ZNF142: variants seen among roughly 807,000 people sequenced by gnomAD.
The protein encoded by ZNF142 is zinc finger protein 142, also known as zinc finger protein 142 (clone pHZ-49).
ZNF142 carries 96 observed loss-of-function variants against 132.1 expected under a neutral mutation model. That is an observed-to-expected ratio of 0.73 (90% CI 0.62 to 0.86). The LOEUF (loss-of-function observed/expected upper bound fraction) is 0.86, where lower values mean the gene tolerates loss of function less well. ZNF142 is among the 40% of genes least tolerant of loss of function. The pLI, the probability that ZNF142 is intolerant of heterozygous loss-of-function variation, is 0.00. For synonymous variants in ZNF142, 842 were observed against 890.1 expected, an observed-to-expected ratio of 0.95 and a Z score of 0.96; for missense variants, 2,163 against 2,336.2, an observed-to-expected ratio of 0.93 and a Z score of 1.53.
chr2:218,645,098 T>C lies in ZNF142; in HGVS notation c.2052-34A>G, dbSNP rs1284514185. The C allele has an allele frequency of 2.5e-6, 4 of 1,594,234 alleles. No homozygotes were observed. The South Asian group carries it at 3.3e-5, about 13-fold the overall frequency. On this transcript the variant is annotated intron_variant, in intron 8 of 10. Transcript: ENST00000411696. ...GAGGGAAAGGGGGAGGCAATCACAA[T>C]AATTAATCACAACAACTAAGAATCA...
rs903285561 is a variant in ZNF142, at chr2:218,638,310, T to C, written c.*29A>G. Reference sequence around the variant, plus strand: ...AGTCTGCACATCTCAGACCATACCCTCTTCCTATACAGGAGGTGGGGCAGG... The same window carrying C: ...AGTCTGCACATCTCAGACCATACCCCCTTCCTATACAGGAGGTGGGGCAGG... On this transcript the variant is annotated 3_prime_UTR_variant, in exon 11 of 11. Coordinates refer to ENST00000411696, the MANE Select transcript of ZNF142 (RefSeq NM_001379659.1). 6.7e-7 allele frequency: 1 copy of C among 1,488,942 alleles called. No individual in the cohort carries two copies. Among genetic ancestry groups the C allele is most frequent in the South Asian group, 1.4e-5 (1 of 71,760 alleles). 92.2% of individuals were successfully genotyped at this position (1,488,942 alleles called of 1,614,324 possible). A position where few individuals can be genotyped will look rare whatever the true frequency, so the allele number is the denominator to read the frequency against.
intron 5 of ZNF142, among the ~76,000 whole-genome samples, chr2:218,651,489 A>G (rs534028473): frequency 3.3e-5 from 5 of 152,334 alleles, no homozygotes; most frequent in East Asian, 1.9e-4. Context: ...ACTTTCACTC[A>G]TTGTCACAAA....
chr2:218,647,656 CAGTG>C (rs1697864428), intron 7 of ZNF142, among the ~76,000 whole-genome samples: 1 of 152,110 alleles, frequency 6.6e-6, no homozygotes, highest in Admixed American at 6.5e-5. Context: ...CAGTGATACT[CAGTG>C]AGAACTCAAA....
At chr2:218,640,640 C>A (rs1479571026) in intron 10 of ZNF142, 24 bp downstream of exon 10, 1 of 1,609,216 alleles carries the variant, frequency 6.2e-7, no homozygotes, top group Admixed American at 1.7e-5. Flanking sequence ...ACCCTTCAGG[C>A]CTGTCGAAAC....
intron 4 of ZNF142, among the ~76,000 whole-genome samples, chr2:218,655,908 T>C (rs1938438329): frequency 6.6e-6 from 1 of 152,126 alleles, no homozygotes; most frequent in African/African-American, 2.4e-5. Context: ...ACTTTCTGGA[T>C]TACTGCCTAG....
rs776828257 is a variant in ZNF142, at chr2:218,635,748, G to A, written c.*2591C>T. 4.3e-5 allele frequency: 69 copies of A among 1,588,558 alleles called. No homozygotes were observed. Among genetic ancestry groups the A allele is most frequent in the Non-Finnish European group, 2.5e-5 (29 of 1,167,186 alleles). The stretch of plus-strand genomic sequence containing the variant: ...CTGGGGTTGGGAGTAGGGTCGGGTG[G>A]GGCTGGGCTGAGCAGGAACTTGTGA... On this transcript the variant is annotated 3_prime_UTR_variant, in exon 11 of 11. Coordinates refer to ENST00000411696, the MANE Select transcript of ZNF142 (RefSeq NM_001379659.1).
Position 218,649,045 on chromosome 2 carries a change from C to T in ZNF142, c.1463G>A (p.Cys488Tyr). Residue 488 changes from cysteine to tyrosine, a missense_variant, in exon 7 of 11, where the codon TGC becomes TAC. Transcript: ENST00000411696. ...AAAAEPLPLRCFQEGCSYAAP... is the reference protein window; with the variant it reads ...AAAAEPLPLRYFQEGCSYAAP... ...TGCATAGCTGCAGCCCTCCTGAAAG[C>T]AGCGAAGGGGTAATGGCTCTGCTGC... 1 of 1,613,464 alleles carries T rather than the reference C, an allele frequency of 6.2e-7. No homozygotes were observed. The highest frequency in any genetic ancestry group is 2.2e-5 in the East Asian group (1 of 44,884).
rs1200991994 is a variant in ZNF142, at chr2:218,642,849, T to C, written c.4267A>G (p.Thr1423Ala). ...CTGCAGGGGATGCGGCCAATGCCTG[T>C]GTGTCGGGACTGGTGAGCCTCTAAC... ...YRLEAHQSRH[T>A]GIGRIPCSSC... The change falls in exon 9 of 11, where the codon ACA becomes GCA. Residue 1423 changes from threonine to alanine, a missense_variant. Around this residue, in one of 7 missense-constraint regions of ZNF142, gnomAD observed 809 missense variants for 801.7 expected, o/e 1.01. Coordinates refer to ENST00000411696, the MANE Select transcript of ZNF142 (RefSeq NM_001379659.1). The surrounding 1 kb of genome is among the most constrained non-coding windows in gnomAD (Gnocchi z 4.6). 1 of 1,614,150 alleles carries C rather than the reference T, an allele frequency of 6.2e-7. No individual in the cohort carries two copies. Among genetic ancestry groups the C allele is most frequent in the Admixed American group, 1.7e-5 (1 of 60,030 alleles).
At position 218,656,535 on chromosome 2, in the gene ZNF142, A is replaced by G; in HGVS notation, c.-34-72T>C. ...CTTTCTTCCTGGCTGGCGTGGGTAC[A>G]CAGCCCAGTGCCCACCCACTTAGGC... is the stretch of plus-strand genomic sequence containing the variant. On this transcript the variant is annotated intron_variant, in intron 3 of 10. Transcript: ENST00000411696. 5 of 1,182,046 alleles carry G rather than the reference A, an allele frequency of 4.2e-6. No individual in the cohort carries two copies. In the South Asian group the frequency reaches 1.2e-4, roughly 29 times the overall value. 73.2% of individuals were successfully genotyped at this position (1,182,046 alleles called of 1,614,324 possible). A position where few individuals can be genotyped will look rare whatever the true frequency, so the allele number is the denominator to read the frequency against.
chr2:218,634,174 C>G lies in ZNF142; in HGVS notation c.*4165G>C. ...TATCCCAGCGGCCTGAGGACAGACT[C>G]TTCCAACTACAACCCCCAGGAACTC... On this transcript the variant is annotated 3_prime_UTR_variant, in exon 11 of 11. Transcript: ENST00000411696. This position sits in a 1 kb window ranked among gnomAD's most constrained non-coding sequence, Gnocchi z 4.0. The G allele has an allele frequency of 6.2e-7, 1 of 1,612,448 alleles. No individual in the cohort carries two copies. Among genetic ancestry groups the G allele is most frequent in the Non-Finnish European group, 8.5e-7 (1 of 1,179,244 alleles).
chr2:218,656,523 T>A (rs1246575415), intron 3 of ZNF142, 60 bp from the exon 4 acceptor site: 4 of 1,339,322 alleles, frequency 3.0e-6, no homozygotes, highest in African/African-American at 1.5e-5. Flanking sequence ...TCTTCCTGGC[T>A]GGCGTGGGTA....
At position 218,636,944 on chromosome 2, in the gene ZNF142, T is replaced by C. The variant is rs751875411; in HGVS notation, c.*1395A>G. The stretch of plus-strand genomic sequence containing the variant: ...GTTGCAACTAGAAATTCAGAGGGGC[T>C]TGGAATAGAGAAACCTAAAGAAGCA... On this transcript the variant is annotated 3_prime_UTR_variant, in exon 11 of 11. Transcript: ENST00000411696. The C allele has an allele frequency of 2.2e-6, 1 of 459,568 alleles. No homozygotes were observed. Among genetic ancestry groups the C allele is most frequent in the South Asian group, 1.6e-5 (1 of 64,494 alleles). 28.5% of individuals were successfully genotyped at this position (459,568 alleles called of 1,614,324 possible). A position where few individuals can be genotyped will look rare whatever the true frequency, so the allele number is the denominator to read the frequency against.
intron 5 of ZNF142, 140 bp from the exon 6 acceptor site, chr2:218,650,666 A>G: frequency 1.2e-6 from 1 of 812,898 alleles, no homozygotes; most frequent in Non-Finnish European, 1.8e-6. Flanking sequence ...GTATAAATGT[A>G]TTTCCACTCA....
In ZNF142 at chr2:218,634,165, GGACA is replaced by G; in HGVS notation, c.*4170_*4173del. 1 of 1,612,794 alleles carries G rather than the reference GGACA, an allele frequency of 6.2e-7. No individual in the cohort carries two copies. Among genetic ancestry groups the G allele is most frequent in the Non-Finnish European group, 8.5e-7 (1 of 1,179,420 alleles). On this transcript the variant is annotated 3_prime_UTR_variant, in exon 11 of 11. Transcript: ENST00000411696. This position sits in a 1 kb window ranked among gnomAD's most constrained non-coding sequence, Gnocchi z 4.0. The stretch of plus-strand genomic sequence containing the variant: ...AGCCGTGTGTATCCCAGCGGCCTGA[GGACA>G]GACTCTTCCAACTACAACCCCCAGG...
In ZNF142 at chr2:218,644,244, G is replaced by A. The variant is rs758556928; in HGVS notation, c.2872C>T (p.Leu958=). Residue 958 remains leucine, a synonymous_variant, in exon 9 of 11, where the codon CTG becomes TTG. Transcript: ENST00000411696. This position sits in a 1 kb window ranked among gnomAD's most constrained non-coding sequence, Gnocchi z 4.6. ...GAGGGCTCAGACACTGGCTTTTCCA[G>A]AAGGGGATTTTCTTCAGCACTCAAG... ...SDLSAEENPL[L]EKPVSEPSTN... 1.2e-6 allele frequency: 2 copies of A among 1,614,074 alleles called. No homozygotes were observed. Among genetic ancestry groups the A allele is most frequent in the South Asian group, 2.2e-5 (2 of 91,078 alleles).
rs1288545635 is a variant in ZNF142 at position 218,645,041 on chromosome 2, T to C, written c.2075A>G (p.Tyr692Cys). Reference sequence around the variant, plus strand: ...CAGCTGATCAGCCCGGTGACAGCGATAGGAGCACTGGTTGCACTGATACCT... The same window carrying C: ...CAGCTGATCAGCCCGGTGACAGCGACAGGAGCACTGGTTGCACTGATACCT... ...DLRYQCNQCS[Y>C]RCHRADQLSS... The change falls in exon 9 of 11, where the codon TAT becomes TGT. Residue 692 changes from tyrosine (Y) to cysteine (C), a missense_variant. Tyr to Cys is a radical substitution (Grantham distance 194, BLOSUM62 -2). Around this residue, in one of 7 missense-constraint regions of ZNF142, gnomAD observed 749 missense variants for 830.3 expected, o/e 0.90. Transcript: ENST00000411696. 6.2e-7 allele frequency: 1 copy of C among 1,613,014 alleles called. No individual in the cohort carries two copies.
Position 218,633,661 on chromosome 2 carries a change from T to C in ZNF142, c.*4678A>G. ...CTTCCCTGGTTATCTACTTGAAGTCTGTCTCATTCCGCAGCTTCACACATT... is the reference window on the plus strand; with the variant it reads ...CTTCCCTGGTTATCTACTTGAAGTCCGTCTCATTCCGCAGCTTCACACATT... On this transcript the variant is annotated 3_prime_UTR_variant, in exon 11 of 11. Transcript: ENST00000411696. 6.2e-7 allele frequency: 1 copy of C among 1,613,284 alleles called. No homozygotes were observed. The highest frequency in any genetic ancestry group is 8.5e-7 in the Non-Finnish European group (1 of 1,179,212).
rs756477417 is a variant in ZNF142, at chr2:218,656,451, G to A, written c.-22C>T. On this transcript the variant is annotated 5_prime_UTR_variant, in exon 4 of 11. Transcript: ENST00000411696. ...TCATCACCACCGACTTGTGTGTTTT[G>A]GCTTCTTAAATGCTGACAAGCCAAC... 2 of 1,420,134 alleles carry A rather than the reference G, an allele frequency of 1.4e-6. No individual in the cohort carries two copies. Among genetic ancestry groups the A allele is most frequent in the Non-Finnish European group, 1.9e-6 (2 of 1,079,484 alleles). The allele number at this position is 1,420,134 out of a possible 1,614,324, so 88.0% of individuals were successfully genotyped here.
At chr2:218,646,444 G>A in intron 7 of ZNF142, 96 bp from the exon 8 acceptor site, 2 of 1,418,132 alleles carry the variant, frequency 1.4e-6, no homozygotes, top group Non-Finnish European at 1.9e-6. Context: ...CTGATGCCAG[G>A]GAGGAACAAC....
Sources: gnomAD v4.1 joint callset for allele counts (sites outside exome capture counted in the v4.1 genomes callset) on GRCh38, gnomAD v4.1.1 for gene constraint, gnomAD v4.1.1 regional missense constraint, Gnocchi (gnomAD v3.1) non-coding constraint, MANE v1.5 for transcripts, NCBI Gene and HGNC (gene_info 2026-07-23, HGNC 2026-07-21) for gene names.